Variants in NELL1 observed in about 807,000 individuals in gnomAD.
NELL1 encodes the protein protein kinase C-binding protein NELL1.
Under a neutral mutation model 107.4 loss-of-function variants are expected in NELL1, and 76 were observed. The observed-to-expected ratio is 0.71, with a 90% CI of 0.59 to 0.86. The LOEUF (loss-of-function observed/expected upper bound fraction) is 0.86, where lower values mean the gene tolerates loss of function less well. NELL1 is among the 40% of genes least tolerant of loss of function. NELL1 has a pLI of 0.00. For missense variants in NELL1, 1,024 were observed against 1,005.5 expected (o/e 1.02, Z -0.25); for synonymous variants, 353 against 341.2 (o/e 1.03, Z -0.38).
intron 3 of NELL1, among the ~76,000 whole-genome samples, chr11:20,806,258 G>C (rs1590312207): frequency 9.6e-6 from 1 of 104,712 alleles, no homozygotes; most frequent in Admixed American, 8.1e-5. Flanking sequence ...GCATTTGTGT[G>C]TGTGTGTGTG....
intron 15 of NELL1, among the ~76,000 whole-genome samples, chr11:21,513,069 A>G (rs990868459): frequency 1.3e-5 from 2 of 152,210 alleles, no homozygotes; most frequent in African/African-American, 4.8e-5. Context: ...CAGCAAGGCC[A>G]CAGTCAGCTA....
At chr11:20,885,352 C>G in intron 4 of NELL1, 92 bp from the exon 5 acceptor site, 4 of 773,266 alleles carry the variant, frequency 5.2e-6, no homozygotes, top group South Asian at 2.9e-5. Flanking sequence ...CTTCATACAG[C>G]AGCTAATGGC....
At chr11:21,117,788 G>A (rs542228589) in intron 13 of NELL1, among the ~76,000 whole-genome samples, 9 of 152,072 alleles carry the variant, frequency 5.9e-5, no homozygotes, top group African/African-American at 2.2e-4. Context: ...TCAAGACAGG[G>A]AAAAGAGATC....
At chr11:20,688,966 A>C (rs1216079207) in intron 2 of NELL1, among the ~76,000 whole-genome samples, 1 of 152,066 alleles carries the variant, frequency 6.6e-6, no homozygotes, top group Non-Finnish European at 1.5e-5. Context: ...CCATTCTGAC[A>C]GGTGTGAGAT....
intron 7 of NELL1, among the ~76,000 whole-genome samples, chr11:20,920,727 C>T (rs1389277184): frequency 5.3e-5 from 8 of 152,154 alleles, no homozygotes; most frequent in Middle Eastern, 3.4e-3. Flanking sequence ...TCGAGGGCGT[C>T]GTTTGCTTTC....
At chr11:21,156,863 C>A (rs1165469886) in intron 13 of NELL1, among the ~76,000 whole-genome samples, 4 of 150,532 alleles carry the variant, frequency 2.7e-5, no homozygotes, top group African/African-American at 9.8e-5. Context: ...GAGGCTGAGG[C>A]AAGTGGATCA....
chr11:20,989,373 AG>A (rs1851922766), intron 12 of NELL1, among the ~76,000 whole-genome samples: 1 of 152,198 alleles, frequency 6.6e-6, no homozygotes, highest in Non-Finnish European at 1.5e-5. Context: ...TCACGCAGAA[AG>A]GTTATGAATA....
At chr11:21,284,606 C>A in intron 14 of NELL1, 1 of 436,808 alleles carries the variant, frequency 2.3e-6, no homozygotes, top group South Asian at 1.6e-5. Flanking sequence ...TGGTAATGCT[C>A]AGTCTTTATG....
chr11:20,679,122 T>C (rs1024452712), intron 2 of NELL1, among the ~76,000 whole-genome samples: 1 of 152,158 alleles, frequency 6.6e-6, no homozygotes, highest in Non-Finnish European at 1.5e-5. Flanking sequence ...TGCTGATATG[T>C]GTGGGTTTGG....
intron 14 of NELL1, among the ~76,000 whole-genome samples, chr11:21,301,249 G>A (rs1460283271): frequency 6.6e-6 from 1 of 151,926 alleles, no homozygotes; most frequent in African/African-American, 2.4e-5. Context: ...TAATCCTTTG[G>A]GTATATACCC....
chr11:21,012,731 T>C (rs144441059), intron 12 of NELL1, among the ~76,000 whole-genome samples: 481 of 152,112 alleles, frequency 3.2e-3, no homozygotes, highest in Middle Eastern at 0.01. Flanking sequence ...GATGAAATCA[T>C]AGGGAGATGA....
At chr11:21,499,870 C>G (rs905058596) in intron 15 of NELL1, among the ~76,000 whole-genome samples, 2 of 152,096 alleles carry the variant, frequency 1.3e-5, no homozygotes, top group Non-Finnish European at 2.9e-5. Flanking sequence ...TATTACATTT[C>G]AAACTCTGGA....
At chr11:20,848,964 A>T (rs1848749396) in intron 4 of NELL1, among the ~76,000 whole-genome samples, 1 of 152,226 alleles carries the variant, frequency 6.6e-6, no homozygotes, top group South Asian at 2.1e-4. Context: ...GTCTGGACAG[A>T]GTTTCCATAG....
At position 20,970,665 on chromosome 11, in the gene NELL1, G is replaced by A. The variant is rs563916238; in HGVS notation, c.1300+10105G>A. ...GCCATTCTCAGTAGGGGGATCAGCA[G>A]ATACAAAAGCTCAAAGTGAGAAGTT... On this transcript the variant is annotated intron_variant, in intron 12 of 19. Transcript: ENST00000357134. 3.9e-5 allele frequency among the ~76,000 whole-genome samples: 6 copies of A among 152,260 alleles called. No individual in the cohort carries two copies. In the East Asian group the frequency reaches 1.2e-3, roughly 29 times the overall value.
chr11:21,373,020 A>C (rs376079706), intron 15 of NELL1, among the ~76,000 whole-genome samples: 7 of 152,182 alleles, frequency 4.6e-5, no homozygotes, highest in Admixed American at 2.6e-4. Flanking sequence ...GTCCCTATGT[A>C]AATATTAAAG....
chr11:20,763,098 G>A (rs886128848), intron 2 of NELL1, among the ~76,000 whole-genome samples: 4 of 152,040 alleles, frequency 2.6e-5, no homozygotes, highest in Non-Finnish European at 4.4e-5. Context: ...TAACTTACCC[G>A]GAGACACCTA....
intron 4 of NELL1, among the ~76,000 whole-genome samples, chr11:20,874,710 A>G (rs1386392843): frequency 1.3e-5 from 2 of 152,168 alleles, no homozygotes. Context: ...ACTGCCTTCC[A>G]GGAGTGCCCC....
At chr11:20,886,289 G>A (rs1052510911) in intron 5 of NELL1, among the ~76,000 whole-genome samples, 4 of 151,792 alleles carry the variant, frequency 2.6e-5, no homozygotes, top group Admixed American at 1.3e-4. Context: ...ATACTTCACA[G>A]AAACATAAGG....
Position 21,522,159 on chromosome 11 carries a change from G to A in NELL1, c.1646-12215G>A, listed in dbSNP as rs373436258. Among the ~76,000 whole-genome samples the A allele has an allele frequency of 2.4e-3, 370 of 151,962 alleles. 1 individual carries two copies. Among genetic ancestry groups the A allele is most frequent in the African/African-American group, 8.3e-3 (342 of 41,444 alleles). ...TGAGGCAGGAGAATGGCATGAACCC[G>A]GGAGGCGGAGCTTGCAGTGAGCCAA... On this transcript the variant is annotated intron_variant, in intron 15 of 19. Transcript: ENST00000357134.
Sources: gnomAD v4.1 joint callset for allele counts (sites outside exome capture counted in the v4.1 genomes callset) on GRCh38, gnomAD v4.1.1 for gene constraint, MANE v1.5 for transcripts, NCBI Gene and HGNC (gene_info 2026-07-23, HGNC 2026-07-21) for gene names.